The following CHST11 variants were observed in gnomAD, a reference collection of about 807,000 sequenced individuals.
CHST11 encodes carbohydrate sulfotransferase 11.
CHST11 carries 9 observed loss-of-function variants against 30.4 expected under a neutral mutation model. The ratio of observed to expected loss-of-function variants is 0.30; its 90% CI spans 0.18 to 0.52. The LOEUF is 0.52. Among genes scored for constraint, CHST11 ranks in the 20% least tolerant of loss-of-function variants. CHST11 has a pLI of 0.97. For synonymous variants in CHST11, 152 were observed against 187.8 expected (o/e 0.81, Z 1.56); for missense variants, 348 against 460.6 (o/e 0.76, Z 2.24).
At chr12:104,693,404 T>G (rs2039916222) in intron 2 of CHST11, among the ~76,000 whole-genome samples, 1 of 152,172 alleles carries the variant, frequency 6.6e-6, no homozygotes, top group Non-Finnish European at 1.5e-5. Context: ...TAATTTATCC[T>G]CCAAATTGGG....
intron 2 of CHST11, among the ~76,000 whole-genome samples, chr12:104,661,875 C>T (rs1247393241): frequency 6.6e-6 from 1 of 152,096 alleles, no homozygotes; most frequent in Non-Finnish European, 1.5e-5. Context: ...CTAGTGTTTC[C>T]ACCTCCTTGC....
At chr12:104,580,012 A>G (rs1369423277) in intron 1 of CHST11, among the ~76,000 whole-genome samples, 1 of 152,190 alleles carries the variant, frequency 6.6e-6, no homozygotes, top group African/African-American at 2.4e-5. Flanking sequence ...ATCACATAAG[A>G]TCATCCCTAA....
At chr12:104,627,530 C>A (rs1013145183) in intron 2 of CHST11, among the ~76,000 whole-genome samples, 2 of 152,206 alleles carry the variant, frequency 1.3e-5, no homozygotes, top group Admixed American at 1.3e-4. Flanking sequence ...GGGCACCAAA[C>A]CGCAATCAAC....
intron 1 of CHST11, among the ~76,000 whole-genome samples, chr12:104,538,376 T>A (rs890473620): frequency 3.3e-5 from 5 of 152,188 alleles, no homozygotes; most frequent in Admixed American, 6.5e-5. Flanking sequence ...CAAGGGTGCA[T>A]CACCCTCTCA....
At chr12:104,631,845 G>T (rs999697387) in intron 2 of CHST11, among the ~76,000 whole-genome samples, 1 of 152,290 alleles carries the variant, frequency 6.6e-6, no homozygotes, top group African/African-American at 2.4e-5. Context: ...CACGGCACAG[G>T]TTGCACAACT....
chr12:104,701,681 A>G (rs140791665), intron 2 of CHST11, among the ~76,000 whole-genome samples: 52 of 152,334 alleles, frequency 3.4e-4, no homozygotes, highest in African/African-American at 1.2e-3. Flanking sequence ...CATTGGAGAA[A>G]AAGTATCTCT....
chr12:104,757,954 G>A lies in CHST11; in HGVS notation c.*151G>A, dbSNP rs752102462. On this transcript the variant is annotated 3_prime_UTR_variant, in exon 3 of 3. Transcript: ENST00000303694. The surrounding 1 kb of genome is among the most constrained non-coding windows in gnomAD (Gnocchi z 6.5). ...TAGTGAGAATTATTTAAAATCCTTC[G>A]TAGGGAAGGACAGCTGTCTTTGCAG... The A allele has an allele frequency of 1.3e-4, 116 of 862,382 alleles. No individual in the cohort carries two copies. Among genetic ancestry groups the A allele is most frequent in the Admixed American group, 2.6e-4 (9 of 33,980 alleles). 53.4% of individuals were successfully genotyped at this position (862,382 alleles called of 1,614,324 possible). A position where few individuals can be genotyped will look rare whatever the true frequency, so the allele number is the denominator to read the frequency against.
At chr12:104,578,422 A>G (rs1334077880) in intron 1 of CHST11, among the ~76,000 whole-genome samples, 2 of 152,232 alleles carry the variant, frequency 1.3e-5, no homozygotes, top group Non-Finnish European at 2.9e-5. Flanking sequence ...GCATTTGGGT[A>G]GAATCAATCT....
chr12:104,616,492 G>A (rs1411503797), intron 2 of CHST11, among the ~76,000 whole-genome samples: 5 of 150,060 alleles, frequency 3.3e-5, no homozygotes, highest in African/African-American at 4.9e-5. Flanking sequence ...TTGAGACGGA[G>A]TCTCACTCTG....
At chr12:104,730,684 A>G (rs2040250225) in intron 2 of CHST11, among the ~76,000 whole-genome samples, 1 of 152,212 alleles carries the variant, frequency 6.6e-6, no homozygotes, top group Non-Finnish European at 1.5e-5. Context: ...GGAATGGCAT[A>G]TGAAAAGTCC....
chr12:104,600,982 C>G lies in CHST11; in HGVS notation c.119-924C>G, dbSNP rs942231143. Among the ~76,000 whole-genome samples the G allele has an allele frequency of 4.7e-5, 7 of 150,492 alleles. No individual in the cohort carries two copies. Among genetic ancestry groups the G allele is most frequent in the Non-Finnish European group, 8.9e-5 (6 of 67,510 alleles). On this transcript the variant is annotated intron_variant, in intron 1 of 2. Transcript: ENST00000303694. This position sits in a 1 kb window ranked among gnomAD's most constrained non-coding sequence, Gnocchi z 4.1. ...CTCTCCTTCTTCCCTTCCCTTCCTT[C>G]CTTCGCTTGCTCCCCTCCCTTTCCT...
At chr12:104,637,948 A>G (rs1001210089) in intron 2 of CHST11, among the ~76,000 whole-genome samples, 1 of 152,088 alleles carries the variant, frequency 6.6e-6, no homozygotes, top group South Asian at 2.1e-4. Flanking sequence ...TGGAACCTCT[A>G]TGAGGACAGG....
chr12:104,541,149 C>A (rs551945999), intron 1 of CHST11, among the ~76,000 whole-genome samples: 56 of 152,082 alleles, frequency 3.7e-4, no homozygotes, highest in Non-Finnish European at 6.8e-4. Context: ...CACACACACA[C>A]ACACACACAC....
At chr12:104,583,557 C>A (rs904104724) in intron 1 of CHST11, among the ~76,000 whole-genome samples, 2 of 152,158 alleles carry the variant, frequency 1.3e-5, no homozygotes, top group African/African-American at 4.8e-5. Context: ...TCTGGGGCCT[C>A]CCCTATTCAT....
intron 2 of CHST11, among the ~76,000 whole-genome samples, chr12:104,629,366 G>T (rs1368587343): frequency 6.6e-6 from 1 of 152,174 alleles, no homozygotes; most frequent in African/African-American, 2.4e-5. Flanking sequence ...GGCAGAAATT[G>T]TTTCCTTGTA....
chr12:104,658,971 G>T (rs537261106), intron 2 of CHST11, among the ~76,000 whole-genome samples: 1 of 152,244 alleles, frequency 6.6e-6, no homozygotes, highest in Non-Finnish European at 1.5e-5. Flanking sequence ...TGGCTGCAGA[G>T]GATACTTTAT....
At chr12:104,735,922 G>C (rs187755578) in intron 2 of CHST11, among the ~76,000 whole-genome samples, 223 of 152,342 alleles carry the variant, frequency 1.5e-3, no homozygotes, top group Non-Finnish European at 2.6e-3. Flanking sequence ...CTAGGGGATT[G>C]TCAGCAGCAG....
chr12:104,497,160 CAT>C (rs2037805250), intron 1 of CHST11, among the ~76,000 whole-genome samples: 1 of 152,190 alleles, frequency 6.6e-6, no homozygotes, highest in Non-Finnish European at 1.5e-5. Flanking sequence ...CCCTAAAGTT[CAT>C]ATGTTGAAGA....
At chr12:104,675,475 G>T (rs116430034) in intron 2 of CHST11, among the ~76,000 whole-genome samples, 2,062 of 152,262 alleles carry the variant, frequency 0.014, 37 homozygotes, top group African/African-American at 0.046. Flanking sequence ...AATGTGAGTA[G>T]GGTGTATTAC....
Sources: allele counts gnomAD v4.1 joint callset (sites outside exome capture counted in the v4.1 genomes callset), GRCh38; gene constraint gnomAD v4.1.1; non-coding constraint Gnocchi (gnomAD v3.1); transcripts MANE v1.5; gene names NCBI Gene and HGNC (gene_info 2026-07-23, HGNC 2026-07-21).